ANKH: variants seen among roughly 807,000 people sequenced by gnomAD.
ANKH encodes the protein mineralization regulator ANKH.
A neutral mutation model predicts 49.0 loss-of-function variants in ANKH; 15 were observed. That is an observed-to-expected ratio of 0.31 (90% confidence interval 0.20 to 0.47). The LOEUF is 0.47. Ranked by LOEUF, ANKH falls within the 20% of genes least tolerant of loss-of-function variation. The pLI is 1.00. For synonymous variants in ANKH, 273 were observed against 260.0 expected, an observed-to-expected ratio of 1.05 and a Z score of -0.48; for missense variants, 429 against 652.0, an observed-to-expected ratio of 0.66 and a Z score of 3.72.
chr5:14,838,004 A>G lies in ANKH; in HGVS notation c.96+33348T>C, dbSNP rs545017578. Among the ~76,000 whole-genome samples the G allele has an allele frequency of 2.6e-5, 4 of 152,320 alleles. No homozygotes were observed. The East Asian group carries it at 7.7e-4, about 29-fold the overall frequency. The stretch of plus-strand genomic sequence containing the variant: ...TGGAAACCATCATTCTGAGCAAACT[A>G]TCATAATGATAGAAAACCAAACACT... On this transcript the variant is annotated intron_variant, in intron 1 of 11. Coordinates refer to ENST00000284268, the MANE Select transcript of ANKH (RefSeq NM_054027.6).
At chr5:14,819,220 C>T (rs1741128697) in intron 1 of ANKH, among the ~76,000 whole-genome samples, 1 of 152,106 alleles carries the variant, frequency 6.6e-6, no homozygotes, top group African/African-American at 2.4e-5. Flanking sequence ...CTGAAACTAC[C>T]GTTTATTCTG....
intron 2 of ANKH, among the ~76,000 whole-genome samples, chr5:14,760,681 T>G (rs917630976): frequency 2.0e-5 from 3 of 152,224 alleles, no homozygotes; most frequent in African/African-American, 7.2e-5. Flanking sequence ...TAAAGGCAGC[T>G]GTGCCAGGCG....
chr5:14,809,354 A>AAAAAAAAAAAAAAAAAG (rs1561065397), intron 1 of ANKH, among the ~76,000 whole-genome samples: 17 of 130,254 alleles, frequency 1.3e-4, no homozygotes, highest in East Asian at 2.7e-4. Context: ...AAAAAAAAAA[A>AAAAAAAAAAAAAAAAAG]AAAGAAAAAA....
intron 1 of ANKH, among the ~76,000 whole-genome samples, chr5:14,802,231 T>G (rs1236069734): frequency 6.6e-6 from 1 of 152,142 alleles, no homozygotes; most frequent in Non-Finnish European, 1.5e-5. Context: ...ACAAGGCTGT[T>G]CCTTCAATGC....
chr5:14,858,009 T>C (rs868029670), intron 1 of ANKH, among the ~76,000 whole-genome samples: 1 of 152,256 alleles, frequency 6.6e-6, no homozygotes, highest in Non-Finnish European at 1.5e-5. Flanking sequence ...ATATGTTGCA[T>C]AGCATTATTT....
chr5:14,804,704 A>C (rs1434726882), intron 1 of ANKH, among the ~76,000 whole-genome samples: 1 of 152,214 alleles, frequency 6.6e-6, no homozygotes, highest in Non-Finnish European at 1.5e-5. Context: ...TTACACCTAG[A>C]GTTGAGGAAA....
At chr5:14,731,931 G>A (rs1738017816) in intron 8 of ANKH, among the ~76,000 whole-genome samples, 1 of 152,232 alleles carries the variant, frequency 6.6e-6, no homozygotes, top group African/African-American at 2.4e-5. Context: ...GGGAGGCCCA[G>A]GGAGCTGCGC....
chr5:14,786,045 C>CAAAAAAAA (rs71603742), intron 1 of ANKH, among the ~76,000 whole-genome samples: 2 of 67,206 alleles, frequency 3.0e-5, no homozygotes, highest in South Asian at 6.6e-4. Context: ...GACTCTGTCT[C>CAAAAAAAA]AAAAAAAAAA....
At position 14,855,864 on chromosome 5, in the gene ANKH, C is replaced by T. The variant is rs149514703; in HGVS notation, c.96+15488G>A. Among the ~76,000 whole-genome samples the T allele has an allele frequency of 3.6e-4, 53 of 147,242 alleles. No individual in the cohort carries two copies. In the East Asian group the frequency reaches 7.1e-3, roughly 20 times the overall value. ...AAAGAAAAAGAAAAAAAAAAAAAGG[C>T]GGCATGCTGATACACATGCTGTAAA... On this transcript the variant is annotated intron_variant, in intron 1 of 11. Coordinates refer to ENST00000284268, the MANE Select transcript of ANKH (RefSeq NM_054027.6).
chr5:14,808,671 A>G, intron 1 of ANKH, among the ~76,000 whole-genome samples: 1 of 151,456 alleles, frequency 6.6e-6, no homozygotes, highest in Non-Finnish European at 1.5e-5. Flanking sequence ...AATCATTAAA[A>G]AGTTAGGAAA....
chr5:14,798,106 C>T (rs1414974071), intron 1 of ANKH: 40 of 1,561,742 alleles, frequency 2.6e-5, no homozygotes, highest in Admixed American at 5.0e-5. Context: ...TTCTCTCTGT[C>T]GTAGTGTGAT....
Position 14,795,572 on chromosome 5 carries a change from G to A in ANKH, c.97-26381C>T, listed in dbSNP as rs562254126. On this transcript the variant is annotated intron_variant, in intron 1 of 11. Coordinates refer to ENST00000284268, the MANE Select transcript of ANKH (RefSeq NM_054027.6). Reference sequence around the variant, plus strand: ...TGCTGCAAAAGCAGATTAAAAGCTGGGTGTGGTGGCTCACGCCTGTAATCC... The same window carrying A: ...TGCTGCAAAAGCAGATTAAAAGCTGAGTGTGGTGGCTCACGCCTGTAATCC... Among the ~76,000 whole-genome samples the A allele has an allele frequency of 2.6e-5, 4 of 152,308 alleles. No homozygotes were observed. In the East Asian group the frequency reaches 7.7e-4, roughly 29 times the overall value.
intron 1 of ANKH, among the ~76,000 whole-genome samples, chr5:14,848,297 A>C (rs10056006): frequency 0.11 from 16,102 of 152,188 alleles, 1,352 homozygotes; most frequent in East Asian, 0.45. Flanking sequence ...CTAAAATACC[A>C]ATTAGGCTAA....
Position 14,711,317 on chromosome 5 carries a change from C to T in ANKH, c.1366-7G>A. On this transcript the variant is annotated splice_region_variant and splice_polypyrimidine_tract_variant and intron_variant, in intron 11 of 11. Coordinates refer to ENST00000284268, the MANE Select transcript of ANKH (RefSeq NM_054027.6). ...CATTCTCCATCTTCTTTTTCTAGAC[C>T]AAAGAAGACTCATCAGTGTGGGGCT... is the stretch of plus-strand genomic sequence containing the variant. 1 of 1,610,596 alleles carries T rather than the reference C, an allele frequency of 6.2e-7. No individual in the cohort carries two copies. The highest frequency in any genetic ancestry group is 8.5e-7 in the Non-Finnish European group (1 of 1,176,798).
intron 1 of ANKH, among the ~76,000 whole-genome samples, chr5:14,785,018 C>T (rs528689226): frequency 1.5e-4 from 23 of 152,310 alleles, no homozygotes; most frequent in South Asian, 4.1e-4. Context: ...CAATCTGCCG[C>T]GTGCGGTGGC....
chr5:14,869,869 C>T (rs1446304888), intron 1 of ANKH: 1 of 152,198 alleles, frequency 6.6e-6, no homozygotes, highest in Non-Finnish European at 1.5e-5. Flanking sequence ...TTTGGGGCAG[C>T]TCCAAGAAGG....
rs1355222312 is a variant in ANKH at position 14,770,409 on chromosome 5, GT to G, written c.97-1219del. The stretch of plus-strand genomic sequence containing the variant: ...GCCTGAAACCATGGAAAGTACCTAT[GT>G]TTTTTCCTATATATACTATGTTTTT... On this transcript the variant is annotated intron_variant, in intron 1 of 11. Coordinates refer to ENST00000284268, the MANE Select transcript of ANKH (RefSeq NM_054027.6). This position sits in a 1 kb window ranked among gnomAD's most constrained non-coding sequence, Gnocchi z 4.1. 6.6e-6 allele frequency among the ~76,000 whole-genome samples: 1 copy of G among 152,008 alleles called. No homozygotes were observed. The highest frequency in any genetic ancestry group is 1.5e-5 in the Non-Finnish European group (1 of 68,006).
intron 1 of ANKH, among the ~76,000 whole-genome samples, chr5:14,847,329 T>C (rs2126616859): frequency 6.6e-6 from 1 of 152,320 alleles, no homozygotes; most frequent in East Asian, 1.9e-4. Context: ...TCTCCTTTGC[T>C]GTGGAGGCTG....
chr5:14,802,375 T>C (rs539396046), intron 1 of ANKH, among the ~76,000 whole-genome samples: 2 of 152,170 alleles, frequency 1.3e-5, no homozygotes, highest in South Asian at 4.2e-4. Flanking sequence ...TATCCATCTA[T>C]CACTTCCCAG....
Sources: allele counts gnomAD v4.1 joint callset (sites outside exome capture counted in the v4.1 genomes callset), GRCh38; gene constraint gnomAD v4.1.1; non-coding constraint Gnocchi (gnomAD v3.1); transcripts MANE v1.5; gene names NCBI Gene and HGNC (gene_info 2026-07-23, HGNC 2026-07-21).